PRKCB: variants seen among roughly 807,000 people sequenced by gnomAD.
The protein encoded by PRKCB is protein kinase C beta, also known as protein kinase C beta type.
Under a neutral mutation model 81.5 loss-of-function variants are expected in PRKCB, and 13 were observed. That is an observed-to-expected ratio of 0.16 (90% CI 0.10 to 0.25). The LOEUF is 0.25. Among genes scored for constraint, PRKCB ranks in the 10% least tolerant of loss-of-function variants. The pLI, the probability that PRKCB is intolerant of heterozygous loss-of-function variation, is 1.00. For synonymous variants in PRKCB, 335 were observed against 321.4 expected (o/e 1.04, Z -0.45); for missense variants, 509 against 875.7 (o/e 0.58, Z 5.29).
chr16:23,913,644 T>C (rs1963695033), intron 2 of PRKCB, among the ~76,000 whole-genome samples: 1 of 152,174 alleles, frequency 6.6e-6, no homozygotes, highest in African/African-American at 2.4e-5. Context: ...GGTGATATCT[T>C]AGGAGAGGGG....
In PRKCB at chr16:24,016,290, C is replaced by T. The variant is rs188829908; in HGVS notation, c.289-15846C>T. Among the ~76,000 whole-genome samples, 560 of 152,168 alleles carry T rather than the reference C, an allele frequency of 3.7e-3. 1 individual carries two copies. The highest frequency in any genetic ancestry group is 5.6e-3 in the Non-Finnish European group (381 of 68,006). On this transcript the variant is annotated intron_variant, in intron 3 of 16. Transcript: ENST00000643927. ...CACCACGGCTGTGAGTTTCACCCAGCGGCCTGGGTGGTCATGGTGAAAGCT... is the reference window on the plus strand; with the variant it reads ...CACCACGGCTGTGAGTTTCACCCAGTGGCCTGGGTGGTCATGGTGAAAGCT...
intron 2 of PRKCB, among the ~76,000 whole-genome samples, chr16:23,969,822 C>T (rs538848485): frequency 4.6e-5 from 7 of 152,140 alleles, no homozygotes; most frequent in African/African-American, 1.7e-4. Context: ...CCATTATCTT[C>T]TCATCCTCCC....
chr16:24,154,639 C>T lies in PRKCB; in HGVS notation c.1066-45C>T, dbSNP rs368085619. ...AACACCAGCTGCTCATAACTGGCCC[C>T]CAGACTCCTTCCAACTGCCCTGACA... On this transcript the variant is annotated intron_variant, in intron 9 of 16. Coordinates refer to ENST00000643927, the MANE Select transcript of PRKCB (RefSeq NM_002738.7). 6.5e-4 allele frequency: 1,040 copies of T among 1,603,414 alleles called. 9 individuals carry two copies. Among genetic ancestry groups the T allele is most frequent in the Non-Finnish European group, 1.2e-4 (146 of 1,172,426 alleles).
intron 2 of PRKCB, among the ~76,000 whole-genome samples, chr16:23,942,364 C>T (rs898972396): frequency 2.0e-5 from 3 of 152,298 alleles, no homozygotes; most frequent in South Asian, 4.2e-4. Context: ...AGTGATAGAG[C>T]GTGGGCATAA....
chr16:23,870,383 G>A (rs539220268), intron 2 of PRKCB, among the ~76,000 whole-genome samples: 1 of 152,172 alleles, frequency 6.6e-6, no homozygotes, highest in Non-Finnish European at 1.5e-5. Flanking sequence ...ATAGCATGTG[G>A]TATGTGCCAG....
At chr16:24,094,392 T>A in intron 7 of PRKCB, 95 bp downstream of exon 7, 2 of 1,465,284 alleles carry the variant, frequency 1.4e-6, no homozygotes, top group South Asian at 1.3e-5. Flanking sequence ...ATTGAAATAC[T>A]AAAACAGAGT....
At chr16:23,960,106 G>A (rs573518471) in intron 2 of PRKCB, among the ~76,000 whole-genome samples, 2 of 152,214 alleles carry the variant, frequency 1.3e-5, no homozygotes, top group Admixed American at 1.3e-4. Context: ...AGAGAGGAGA[G>A]GATGATTAAT....
At chr16:24,110,164 G>GAGAGGAGGA (rs1966656670) in intron 7 of PRKCB, among the ~76,000 whole-genome samples, 1 of 106,992 alleles carries the variant, frequency 9.3e-6, no homozygotes, top group Non-Finnish European at 1.7e-5. Context: ...GGAGAGGAGG[G>GAGAGGAGGA]AGAGGGAGAG....
intron 2 of PRKCB, among the ~76,000 whole-genome samples, chr16:23,849,392 T>C (rs1219363591): frequency 1.3e-5 from 2 of 152,216 alleles, no homozygotes; most frequent in African/African-American, 4.8e-5. Context: ...CAGTGATTTT[T>C]GTGGGATGGC....
At chr16:23,994,485 A>G (rs1964930519) in intron 3 of PRKCB, among the ~76,000 whole-genome samples, 1 of 152,346 alleles carries the variant, frequency 6.6e-6, no homozygotes, top group South Asian at 2.1e-4. Context: ...GCCAACCAAG[A>G]GCAATACTAC....
intron 2 of PRKCB, among the ~76,000 whole-genome samples, chr16:23,891,518 A>T (rs1176771121): frequency 1.3e-5 from 2 of 148,762 alleles, no homozygotes; most frequent in African/African-American, 5.2e-5. Flanking sequence ...TACATAAATG[A>T]GGGGCAGGGG....
intron 2 of PRKCB, among the ~76,000 whole-genome samples, chr16:23,973,103 A>G (rs1462414571): frequency 6.6e-6 from 1 of 152,234 alleles, no homozygotes; most frequent in Non-Finnish European, 1.5e-5. Flanking sequence ...ATGGGGTCAT[A>G]CAGTGAGCAT....
chr16:23,997,443 T>G (rs1964974890), intron 3 of PRKCB, among the ~76,000 whole-genome samples: 1 of 152,168 alleles, frequency 6.6e-6, no homozygotes, highest in African/African-American at 2.4e-5. Flanking sequence ...CCAGCTGAGG[T>G]GCCCACTGAA....
intron 2 of PRKCB, among the ~76,000 whole-genome samples, chr16:23,956,432 C>T (rs1964350345): frequency 6.6e-6 from 1 of 151,984 alleles, no homozygotes; most frequent in Non-Finnish European, 1.5e-5. Flanking sequence ...ATATTATTTA[C>T]ATTCATATTT....
rs1184338362 is a variant in PRKCB at position 24,219,330 on chromosome 16, T to C, written c.*4514T>C. On this transcript the variant is annotated 3_prime_UTR_variant, in exon 17 of 17. Coordinates refer to ENST00000643927, the MANE Select transcript of PRKCB (RefSeq NM_002738.7). ...TTTGGGTTTTCTCTCTTATAGTTTG[T>C]TGACACATGCTAAAAATGTCTTTGG... 3.1e-6 allele frequency: 3 copies of C among 954,130 alleles called. No homozygotes were observed. Among genetic ancestry groups the C allele is most frequent in the South Asian group, 4.9e-5 (1 of 20,530 alleles). The allele number at this position is 954,130 out of a possible 1,614,324, so 59.1% of individuals were successfully genotyped here. A position where few individuals can be genotyped will look rare whatever the true frequency, so the allele number is the denominator to read the frequency against.
chr16:24,155,675 G>C (rs989209451), intron 10 of PRKCB, among the ~76,000 whole-genome samples: 1 of 152,160 alleles, frequency 6.6e-6, no homozygotes, highest in Non-Finnish European at 1.5e-5. Context: ...TGATTTTAGA[G>C]CCCAACCCAT....
At chr16:24,173,532 T>C (rs1967479290) in intron 11 of PRKCB, among the ~76,000 whole-genome samples, 1 of 152,226 alleles carries the variant, frequency 6.6e-6, no homozygotes, top group African/African-American at 2.4e-5. Context: ...CTTCCAAATC[T>C]AGCCATTTGT....
At chr16:24,096,661 AAAAAAATATATATAT>A (rs1281242422) in intron 7 of PRKCB, among the ~76,000 whole-genome samples, 33 of 49,212 alleles carry the variant, frequency 6.7e-4, no homozygotes, top group East Asian at 6.0e-3. Context: ...GCAAAAAAAA[AAAAAAATATATATAT>A]ATATATATAT....
intron 3 of PRKCB, among the ~76,000 whole-genome samples, chr16:24,010,720 G>C (rs1331778139): frequency 2.0e-5 from 3 of 152,162 alleles, no homozygotes; most frequent in Admixed American, 6.5e-5. Context: ...GAAGCCACTT[G>C]CTTCTCCTGC....
Sources: gnomAD v4.1 joint callset for allele counts (sites outside exome capture counted in the v4.1 genomes callset) on GRCh38, gnomAD v4.1.1 for gene constraint, MANE v1.5 for transcripts, NCBI Gene and HGNC (gene_info 2026-07-23, HGNC 2026-07-21) for gene names.